The following NBPF9 variants were observed in gnomAD, a reference collection of about 807,000 sequenced individuals.
The protein encoded by NBPF9 is NBPF family member NBPF9.
A neutral mutation model predicts 97.8 loss-of-function variants in NBPF9; 91 were observed. The observed-to-expected ratio is 0.93, with a 90% CI of 0.79 to 1.11. The LOEUF (loss-of-function observed/expected upper bound fraction) is 1.11, where lower values mean the gene tolerates loss of function less well. Among genes scored for constraint, NBPF9 ranks in the 50% least tolerant of loss-of-function variants. The probability of loss-of-function intolerance (pLI) is 0.00; values close to 1 mark genes in which losing one functional copy is unlikely to be tolerated. For synonymous variants in NBPF9, 334 were observed against 359.5 expected, an observed-to-expected ratio of 0.93 and a Z score of 0.80; for missense variants, 992 against 939.5, an observed-to-expected ratio of 1.06 and a Z score of -0.73.
At chr1:149,064,700 T>A in intron 18 of NBPF9, 2 of 616,166 alleles carry the variant, frequency 3.2e-6, no homozygotes, top group South Asian at 3.9e-5. Context: ...TGTTGGAATG[T>A]TATCTTCCCT....
At chr1:149,081,108 T>G (rs2080396115) in intron 7 of NBPF9, among the ~76,000 whole-genome samples, 1 of 152,084 alleles carries the variant, frequency 6.6e-6, no homozygotes, top group South Asian at 2.1e-4. Flanking sequence ...TTTTTATTTT[T>G]GATTTATTTA....
At position 149,082,435 on chromosome 1, in the gene NBPF9, A is replaced by C. The variant is rs1288091586; in HGVS notation, c.-194-5T>G. On this transcript the variant is annotated splice_region_variant and splice_polypyrimidine_tract_variant and intron_variant, in intron 5 of 29. Coordinates refer to ENST00000584027, the Ensembl canonical transcript of NBPF9. ...GCCAGCGTGCCAGGTAACCGTCTGCAGTTGCAATAACAGAATTAGAAGGTG... is the reference window on the plus strand; with the variant it reads ...GCCAGCGTGCCAGGTAACCGTCTGCCGTTGCAATAACAGAATTAGAAGGTG... 6 of 850,610 alleles carry C rather than the reference A, an allele frequency of 7.1e-6. No individual in the cohort carries two copies. The highest frequency in any genetic ancestry group is 1.1e-5 in the Non-Finnish European group (6 of 562,378). The allele number at this position is 850,610 out of a possible 1,614,324, so 52.7% of individuals were successfully genotyped here.
intron 21 of NBPF9, 33 bp from the exon 22 acceptor site, chr1:149,062,298 AG>A: frequency 1.6e-6 from 1 of 630,570 alleles, no homozygotes; most frequent in Non-Finnish European, 2.8e-6. Flanking sequence ...AGAATAAGCC[AG>A]GGGGAATCAG....
intron 12 of NBPF9, among the ~76,000 whole-genome samples, chr1:149,075,113 A>G (rs1296526353): frequency 6.6e-6 from 1 of 150,782 alleles, no homozygotes; most frequent in Non-Finnish European, 1.5e-5. Context: ...CATGGCCCCT[A>G]CTCCCTGCTC....
intron 8 of NBPF9, among the ~76,000 whole-genome samples, chr1:149,079,770 G>C (rs2080245800): frequency 6.6e-6 from 1 of 151,854 alleles, no homozygotes; most frequent in African/African-American, 2.4e-5. Flanking sequence ...TATACTGAAT[G>C]CTGCTAGGTG....
intron 11 of NBPF9, among the ~76,000 whole-genome samples, chr1:149,076,286 C>T (rs1466775369): frequency 2.6e-5 from 4 of 151,046 alleles, no homozygotes; most frequent in Non-Finnish European, 4.4e-5. Flanking sequence ...CCACCTCTGC[C>T]GCCCGGGTTC....
intron 14 of NBPF9, among the ~76,000 whole-genome samples, 193 bp from the exon 15 acceptor site, chr1:149,071,869 G>C (rs1358209171): frequency 6.6e-6 from 1 of 151,616 alleles, no homozygotes; most frequent in Non-Finnish European, 1.5e-5. Flanking sequence ...CTGATCTGGA[G>C]GGCCACCATC....
At chr1:149,075,045 C>G (rs2079738859) in intron 12 of NBPF9, among the ~76,000 whole-genome samples, 1 of 151,398 alleles carries the variant, frequency 6.6e-6, no homozygotes, top group Non-Finnish European at 1.5e-5. Flanking sequence ...CTCCTGACCT[C>G]ATGATCTGCC....
At chr1:149,075,138 TA>T (rs1168582403) in intron 12 of NBPF9, among the ~76,000 whole-genome samples, 2 of 151,520 alleles carry the variant, frequency 1.3e-5, no homozygotes, top group Non-Finnish European at 3.0e-5. Flanking sequence ...TGCTGTCATT[TA>T]TAGACAGCAC....
Position 149,071,095 on chromosome 1 carries a change from A to T in NBPF9, c.1424T>A (p.Leu475Gln), listed in dbSNP as rs1371145797. 5.4e-5 allele frequency: 87 copies of T among 1,609,276 alleles called. 1 individual carries two copies. The highest frequency in any genetic ancestry group is 5.0e-4 in the South Asian group (45 of 90,896). Residue 475 changes from leucine (L) to glutamine (Q), a missense_variant, in exon 16 of 30, where the codon CTG becomes CAG. Physicochemically the swap from Leu to Gln is moderately radical, Grantham distance 113. Around this residue, in one of 11 missense-constraint regions of NBPF9, gnomAD observed 151 missense variants for 132.8 expected, o/e 1.14. Transcript: ENST00000584027. The stretch of plus-strand genomic sequence containing the variant: ...TGAATAAGTGATGGCACATTCCTCC[A>T]GTGAGTCCTCAGGGACTTCCTTTTC...
In NBPF9 at chr1:149,060,291, G is replaced by A. The variant is rs2078514105; in HGVS notation, c.2476+232C>T. On this transcript the variant is annotated intron_variant, in intron 24 of 29. Coordinates refer to ENST00000584027, the Ensembl canonical transcript of NBPF9. ...CCCAGGTCCAATGTCATGAGGATAGGATCAGGGCGCCACAGGTATGGCCTG... is the reference window on the plus strand; with the variant it reads ...CCCAGGTCCAATGTCATGAGGATAGAATCAGGGCGCCACAGGTATGGCCTG... 5.4e-6 allele frequency: 2 copies of A among 368,492 alleles called. 1 individual carries two copies. The highest frequency in any genetic ancestry group is 5.6e-5 in the African/African-American group (2 of 35,614). The allele number at this position is 368,492 out of a possible 1,614,324, so 22.8% of individuals were successfully genotyped here. A position where few individuals can be genotyped will look rare whatever the true frequency, so the allele number is the denominator to read the frequency against.
At chr1:149,098,328 G>A (rs1457969352) in intron 4 of NBPF9, 110 bp downstream of exon 4, 1 of 500,832 alleles carries the variant, frequency 2.0e-6, no homozygotes, top group African/African-American at 2.1e-5. Flanking sequence ...TTCATGCCAG[G>A]TAAGGCCCTG....
intron 18 of NBPF9, chr1:149,064,882 G>A (rs1575829408): frequency 5.7e-6 from 3 of 526,854 alleles, no homozygotes; most frequent in Non-Finnish European, 6.7e-6. Context: ...ATTTGATGAG[G>A]GGGTGCAATG....
exon 4 of NBPF9, chr1:149,098,606 C>G: frequency 7.6e-7 from 1 of 1,317,534 alleles, no homozygotes; most frequent in Non-Finnish European, 9.8e-7. Flanking sequence ...AGCACTGAAG[C>G]TCCAGGACAC....
At chr1:149,084,430 A>G (rs1575861541) in intron 5 of NBPF9, among the ~76,000 whole-genome samples, 1 of 135,370 alleles carries the variant, frequency 7.4e-6, no homozygotes, top group Admixed American at 7.1e-5. Flanking sequence ...TATATATATT[A>G]TATATATATA....
At chr1:149,082,972 T>A (rs1211869477) in intron 5 of NBPF9, among the ~76,000 whole-genome samples, 1 of 118,036 alleles carries the variant, frequency 8.5e-6, no homozygotes, top group Non-Finnish European at 1.8e-5. Flanking sequence ...TTTTTTTTTT[T>A]TTTTTTTTTT....
In NBPF9 at chr1:149,062,831, G is replaced by A. The variant is rs1395580297; in HGVS notation, c.2078+31C>T. 5 of 669,484 alleles carry A rather than the reference G, an allele frequency of 7.5e-6. No individual in the cohort carries two copies. The East Asian group carries it at 1.1e-4, about 14-fold the overall frequency. The allele number at this position is 669,484 out of a possible 1,614,324, so 41.5% of individuals were successfully genotyped here. A position where few individuals can be genotyped will look rare whatever the true frequency, so the allele number is the denominator to read the frequency against. On this transcript the variant is annotated intron_variant, in intron 21 of 29. Coordinates refer to ENST00000584027, the Ensembl canonical transcript of NBPF9. ...CCTGGCATCTCCAGGTGTCAACACA[G>A]AATTAAGCATCCATAATTGCTCAAA...
chr1:149,077,633 A>T, intron 10 of NBPF9, among the ~76,000 whole-genome samples: 1 of 152,224 alleles, frequency 6.6e-6, no homozygotes, highest in Non-Finnish European at 1.5e-5. Context: ...GCTGGTGTTC[A>T]GTGCACTGGA....
intron 13 of NBPF9, 146 bp downstream of exon 13, chr1:149,073,622 G>C: frequency 1.4e-6 from 1 of 696,098 alleles, no homozygotes; most frequent in Non-Finnish European, 2.5e-6. Flanking sequence ...TTCTCTGTTT[G>C]ATAAATATTT....
Sources: allele counts gnomAD v4.1 joint callset (sites outside exome capture counted in the v4.1 genomes callset), GRCh38; gene constraint gnomAD v4.1.1; regional missense constraint gnomAD v4.1.1; transcripts MANE v1.5; gene names NCBI Gene and HGNC (gene_info 2026-07-23, HGNC 2026-07-21).